CDK13: variants seen among roughly 807,000 people sequenced by gnomAD.
CDK13 encodes the protein cyclin dependent kinase 13.
Under a neutral mutation model 137.6 loss-of-function variants are expected in CDK13, and 40 were observed. That is an observed-to-expected ratio of 0.29 (90% CI 0.23 to 0.38). CDK13 has a LOEUF of 0.38. Ranked by LOEUF, CDK13 falls within the 10% of genes least tolerant of loss-of-function variation. CDK13 has a pLI of 1.00. For synonymous variants in CDK13, 869 were observed against 760.1 expected (o/e 1.14, Z -2.36); for missense variants, 1,704 against 1,951.8 (o/e 0.87, Z 2.39).
chr7:39,957,921 T>A (rs1787471275), intron 1 of CDK13, among the ~76,000 whole-genome samples: 1 of 152,216 alleles, frequency 6.6e-6, no homozygotes, highest in Non-Finnish European at 1.5e-5. Context: ...TTTGTGTGAA[T>A]ATCATTTTGT....
At chr7:40,062,766 A>G in intron 7 of CDK13, 60 bp from the exon 8 acceptor site, 3 of 1,175,410 alleles carry the variant, frequency 2.6e-6, no homozygotes, top group Non-Finnish European at 3.8e-6. Context: ...ATATTTCCTC[A>G]GAGAATCTGT....
rs1376358248 is a variant in CDK13, at chr7:39,951,553, G to T, written c.912G>T (p.Lys304Asn). 2 of 1,538,522 alleles carry T rather than the reference G, an allele frequency of 1.3e-6. No homozygotes were observed. The highest frequency in any genetic ancestry group is 4.1e-5 in the Admixed American group (2 of 48,570). Residue 304 changes from lysine to asparagine, a missense_variant, in exon 1 of 14, where the codon AAG becomes AAT. Transcript: ENST00000181839. Reference protein sequence around the residue: ...KEPPKAYREDKTEPKAYRRRR... With the variant: ...KEPPKAYREDNTEPKAYRRRR... ...CGCCCAAGGCCTACCGGGAGGACAA[G>T]ACCGAGCCTAAGGCCTACAGGCGGC... is the stretch of plus-strand genomic sequence containing the variant.
chr7:40,064,663 G>A (rs1562756538), intron 9 of CDK13, among the ~76,000 whole-genome samples: 1 of 151,970 alleles, frequency 6.6e-6, no homozygotes, highest in Non-Finnish European at 1.5e-5. Flanking sequence ...AGTACCCGAA[G>A]CCAGAAACTA....
chr7:40,029,246 G>T (rs1243030103), intron 5 of CDK13, among the ~76,000 whole-genome samples: 8 of 151,886 alleles, frequency 5.3e-5, no homozygotes, highest in Non-Finnish European at 7.4e-5. Context: ...GGCCAACATG[G>T]CGAAACCCCA....
At chr7:40,019,108 C>G (rs1380868775) in intron 5 of CDK13, among the ~76,000 whole-genome samples, 1 of 152,084 alleles carries the variant, frequency 6.6e-6, no homozygotes, top group Non-Finnish European at 1.5e-5. Context: ...TTACAAAGGA[C>G]TAGGTAAAGT....
In CDK13 at chr7:40,094,779, G is replaced by A; in HGVS notation, c.4338G>A (p.Gly1446=). The A allele has an allele frequency of 6.2e-7, 1 of 1,609,878 alleles. No homozygotes were observed. Among genetic ancestry groups the A allele is most frequent in the Non-Finnish European group, 8.5e-7 (1 of 1,178,098 alleles). ...VLANSSDPST[G]PESTHPLPAK... is the part of the protein sequence containing the mutation. The stretch of plus-strand genomic sequence containing the variant: ...CAAACAGCAGTGACCCTTCCACGGG[G>A]CCAGAGAGTACTCATCCTTTGCCAG... Residue 1446 remains glycine (G), a synonymous_variant, in exon 14 of 14, where the codon GGG becomes GGA. Transcript: ENST00000181839.
intron 5 of CDK13, among the ~76,000 whole-genome samples, chr7:40,039,648 T>C (rs1785562548): frequency 6.6e-6 from 1 of 151,816 alleles, no homozygotes; most frequent in African/African-American, 2.4e-5. Context: ...GCCAGGCTGG[T>C]CTCGAACTCC....
intron 4 of CDK13, 59 bp downstream of exon 4, chr7:39,999,559 C>A (rs772141435): frequency 2.6e-5 from 38 of 1,482,808 alleles, no homozygotes; most frequent in Non-Finnish European, 3.3e-5. Context: ...GTTTGTGTTT[C>A]TCTTCTGATG....
intron 1 of CDK13, among the ~76,000 whole-genome samples, chr7:39,974,500 C>T (rs1784063344): frequency 6.6e-6 from 1 of 150,812 alleles, no homozygotes; most frequent in South Asian, 2.1e-4. Flanking sequence ...ACTTTTTAAA[C>T]TTTTAGGTAT....
At chr7:39,976,428 T>G (rs1784114433) in intron 1 of CDK13, among the ~76,000 whole-genome samples, 1 of 151,512 alleles carries the variant, frequency 6.6e-6, no homozygotes, top group Non-Finnish European at 1.5e-5. Context: ...GTGAAAGACT[T>G]GGGTTTGAAT....
intron 1 of CDK13, among the ~76,000 whole-genome samples, chr7:39,961,075 T>G (rs1357749057): frequency 6.6e-6 from 1 of 151,968 alleles, no homozygotes; most frequent in Non-Finnish European, 1.5e-5. Context: ...ACTCTACTCT[T>G]TGGCTGGGCA....
chr7:40,079,548 A>G (rs1329809174), intron 11 of CDK13, among the ~76,000 whole-genome samples: 1 of 152,192 alleles, frequency 6.6e-6, no homozygotes, highest in Non-Finnish European at 1.5e-5. Flanking sequence ...TATTACATTA[A>G]TCTTTATAAC....
At chr7:40,017,746 A>G (rs1409153416) in intron 5 of CDK13, among the ~76,000 whole-genome samples, 2 of 150,608 alleles carry the variant, frequency 1.3e-5, no homozygotes, top group East Asian at 3.9e-4. Context: ...GCTTTTTTTT[A>G]ATTTTGGAAG....
intron 1 of CDK13, among the ~76,000 whole-genome samples, chr7:39,966,942 T>C (rs952215661): frequency 6.6e-6 from 1 of 152,106 alleles, no homozygotes; most frequent in African/African-American, 2.4e-5. Context: ...TGTTGAACAG[T>C]AAATGTTGCT....
chr7:40,040,139 G>A (rs958299949), intron 5 of CDK13, among the ~76,000 whole-genome samples: 12 of 151,790 alleles, frequency 7.9e-5, no homozygotes, highest in African/African-American at 2.7e-4. Context: ...TGCCTCCCCA[G>A]TAGCTGGGAT....
intron 7 of CDK13, among the ~76,000 whole-genome samples, chr7:40,050,468 T>C (rs1048778815): frequency 6.6e-6 from 1 of 152,226 alleles, no homozygotes; most frequent in Non-Finnish European, 1.5e-5. Context: ...CTCAGCTCAC[T>C]GCAACCTCCG....
At chr7:39,953,140 A>G (rs2074344452) in intron 1 of CDK13, among the ~76,000 whole-genome samples, 1 of 152,204 alleles carries the variant, frequency 6.6e-6, no homozygotes, top group African/African-American at 2.4e-5. Context: ...AATAAATGTA[A>G]AGGTGTGATG....
chr7:39,961,684 G>A (rs1382401308), intron 1 of CDK13, among the ~76,000 whole-genome samples: 1 of 149,712 alleles, frequency 6.7e-6, no homozygotes, highest in South Asian at 2.1e-4. Context: ...TGTGCACAAC[G>A]TGCAGGTTAG....
intron 5 of CDK13, among the ~76,000 whole-genome samples, chr7:40,041,053 C>T (rs998689154): frequency 2.6e-5 from 4 of 152,128 alleles, no homozygotes; most frequent in Admixed American, 1.3e-4. Flanking sequence ...AACCCAGGCA[C>T]AGTGGCTCGT....
Sources: allele counts gnomAD v4.1 joint callset (sites outside exome capture counted in the v4.1 genomes callset), GRCh38; gene constraint gnomAD v4.1.1; transcripts MANE v1.5; gene names NCBI Gene and HGNC (gene_info 2026-07-23, HGNC 2026-07-21).